Variants in PDE4B observed in about 807,000 individuals in gnomAD.
PDE4B encodes the protein 3',5'-cyclic-AMP phosphodiesterase 4B.
A neutral mutation model predicts 82.2 loss-of-function variants in PDE4B; 20 were observed. The ratio of observed to expected loss-of-function variants is 0.24; its 90% CI spans 0.17 to 0.35. The LOEUF (loss-of-function observed/expected upper bound fraction) is 0.35. Among genes scored for constraint, PDE4B ranks in the 10% least tolerant of loss-of-function variants. The pLI, the probability that PDE4B is intolerant of heterozygous loss-of-function variation, is 1.00. For synonymous variants in PDE4B, 320 were observed against 318.9 expected, an observed-to-expected ratio of 1.00 and a Z score of -0.04; for missense variants, 655 against 907.2, an observed-to-expected ratio of 0.72 and a Z score of 3.57.
intron 1 of PDE4B, among the ~76,000 whole-genome samples, chr1:65,888,747 T>G (rs913156057): frequency 4.6e-5 from 7 of 152,166 alleles, no homozygotes; most frequent in African/African-American, 1.7e-4. Flanking sequence ...CTTTCTCAAC[T>G]AGTTTATTAT....
chr1:66,308,958 AAG>A (rs1658479352), intron 7 of PDE4B, among the ~76,000 whole-genome samples: 1 of 152,194 alleles, frequency 6.6e-6, no homozygotes, highest in Non-Finnish European at 1.5e-5. Flanking sequence ...AATTAGAAAA[AAG>A]AAGGTTCAAA....
At chr1:66,180,996 C>T (rs571017823) in intron 3 of PDE4B, among the ~76,000 whole-genome samples, 25 of 152,130 alleles carry the variant, frequency 1.6e-4, no homozygotes, top group African/African-American at 5.8e-4. Flanking sequence ...TGTGCATATG[C>T]AGAGTAATTC....
At chr1:65,814,527 G>A (rs1052300002) in intron 1 of PDE4B, among the ~76,000 whole-genome samples, 3 of 152,122 alleles carry the variant, frequency 2.0e-5, no homozygotes, top group East Asian at 1.9e-4. Context: ...ATTGACAAAT[G>A]TGTTCAATTA....
chr1:65,898,604 G>A (rs532407549), intron 1 of PDE4B, among the ~76,000 whole-genome samples: 12 of 152,110 alleles, frequency 7.9e-5, no homozygotes, highest in East Asian at 1.9e-4. Context: ...CATGGTACTC[G>A]TATAAAAATA....
Position 66,047,444 on chromosome 1 carries a change from C to G in PDE4B, c.281+128609C>G, listed in dbSNP as rs75772617. On this transcript the variant is annotated intron_variant, in intron 3 of 16. Transcript: ENST00000341517. ...GAAACATAATTTTCCTTAGACTAGC[C>G]TAGAAGTCCCTGTACAACTGAGTCA... 3.3e-3 allele frequency among the ~76,000 whole-genome samples: 494 copies of G among 151,950 alleles called. 3 individuals are homozygous for G. The highest frequency in any genetic ancestry group is 0.011 in the African/African-American group (467 of 41,482).
At chr1:65,794,147 T>C (rs1479822237) in intron 1 of PDE4B, among the ~76,000 whole-genome samples, 1 of 152,228 alleles carries the variant, frequency 6.6e-6, no homozygotes, top group Non-Finnish European at 1.5e-5. Context: ...ACATTAGGTT[T>C]ACATCATAAT....
chr1:66,326,208 T>A (rs138196915), intron 7 of PDE4B, among the ~76,000 whole-genome samples: 63 of 152,336 alleles, frequency 4.1e-4, no homozygotes, highest in African/African-American at 1.5e-3. Context: ...TTCCCCTAGA[T>A]GGGACTATCT....
intron 1 of PDE4B, among the ~76,000 whole-genome samples, chr1:65,851,396 T>G (rs932171940): frequency 6.6e-6 from 1 of 152,106 alleles, no homozygotes; most frequent in African/African-American, 2.4e-5. Context: ...GATTTTGATT[T>G]GGATTAAGTT....
At chr1:66,315,402 C>CAA (rs1424907999) in intron 7 of PDE4B, among the ~76,000 whole-genome samples, 1 of 152,150 alleles carries the variant, frequency 6.6e-6, no homozygotes, top group Non-Finnish European at 1.5e-5. Context: ...CATCTAATTT[C>CAA]ACCTGTTCAT....
At chr1:65,935,361 C>T (rs191509389) in intron 3 of PDE4B, among the ~76,000 whole-genome samples, 1 of 145,398 alleles carries the variant, frequency 6.9e-6, no homozygotes, top group Admixed American at 6.8e-5. Context: ...TTATGGGATG[C>T]AGAAAAAAAA....
intron 3 of PDE4B, among the ~76,000 whole-genome samples, chr1:66,092,606 A>G (rs1287747904): frequency 6.6e-6 from 1 of 152,056 alleles, no homozygotes; most frequent in Non-Finnish European, 1.5e-5. Flanking sequence ...AAGTACAAAT[A>G]CTGTAAAGAC....
chr1:65,911,604 CTTTTGCTG>C (rs1236595664), intron 1 of PDE4B, among the ~76,000 whole-genome samples: 1 of 151,804 alleles, frequency 6.6e-6, no homozygotes, highest in Non-Finnish European at 1.5e-5. Context: ...TGCTTGTCTA[CTTTTGCTG>C]GGTTTCAAGC....
intron 3 of PDE4B, among the ~76,000 whole-genome samples, chr1:66,148,840 T>C (rs1238996738): frequency 1.3e-5 from 2 of 152,362 alleles, no homozygotes; most frequent in East Asian, 3.9e-4. Flanking sequence ...CTGTACTTTA[T>C]TCCTTTTTAT....
chr1:65,952,948 A>T (rs192759532), intron 3 of PDE4B, among the ~76,000 whole-genome samples: 218 of 152,256 alleles, frequency 1.4e-3, no homozygotes, highest in Non-Finnish European at 2.3e-3. Flanking sequence ...TCATCATTTC[A>T]TAGCCCCCTA....
chr1:66,073,698 T>C (rs1235456934), intron 3 of PDE4B, among the ~76,000 whole-genome samples: 1 of 152,132 alleles, frequency 6.6e-6, no homozygotes, highest in African/African-American at 2.4e-5. Context: ...CTCTCCAAAG[T>C]AAATATAAAC....
At chr1:66,236,641 A>G (rs565952061) in intron 3 of PDE4B, among the ~76,000 whole-genome samples, 6 of 152,084 alleles carry the variant, frequency 3.9e-5, no homozygotes, top group Non-Finnish European at 8.8e-5. Context: ...TTACAGCTTG[A>G]TTGTTTGCTC....
At chr1:66,050,235 A>G (rs545198428) in intron 3 of PDE4B, among the ~76,000 whole-genome samples, 1 of 152,166 alleles carries the variant, frequency 6.6e-6, no homozygotes, top group South Asian at 2.1e-4. Context: ...AGAAAAATCT[A>G]TTGTTTTTAC....
At chr1:66,058,573 T>C (rs1042747622) in intron 3 of PDE4B, among the ~76,000 whole-genome samples, 11 of 152,216 alleles carry the variant, frequency 7.2e-5, no homozygotes, top group African/African-American at 2.4e-4. Flanking sequence ...AAGCAGAGGT[T>C]CCCAAACCTC....
chr1:66,360,119 T>C (rs750032553), intron 9 of PDE4B, among the ~76,000 whole-genome samples: 7 of 152,074 alleles, frequency 4.6e-5, no homozygotes, highest in Non-Finnish European at 1.0e-4. Flanking sequence ...AAAATCTGTA[T>C]TTTTCTGAAG....
Sources: allele counts gnomAD v4.1 joint callset (sites outside exome capture counted in the v4.1 genomes callset), GRCh38; gene constraint gnomAD v4.1.1; transcripts MANE v1.5; gene names NCBI Gene and HGNC (gene_info 2026-07-23, HGNC 2026-07-21).